Variants in STPG2 observed in about 807,000 individuals in gnomAD.
The protein encoded by STPG2 is sperm tail PG-rich repeat containing 2.
In STPG2, 56 loss-of-function variants were observed where a neutral mutation model predicts 54.2. The observed-to-expected ratio is 1.03, with a 90% CI of 0.83 to 1.29. STPG2 has a LOEUF of 1.29. Among genes scored for constraint, STPG2 ranks in the 50% most tolerant of loss-of-function variants. The pLI, the probability that STPG2 is intolerant of heterozygous loss-of-function variation, is 0.00. For synonymous variants in STPG2, 200 were observed against 181.8 expected (o/e 1.10, Z -0.81); for missense variants, 596 against 544.9 (o/e 1.09, Z -0.93).
chr4:97,741,873 C>A (rs1283273520), intron 9 of STPG2, among the ~76,000 whole-genome samples: 1 of 152,054 alleles, frequency 6.6e-6, no homozygotes, highest in African/African-American at 2.4e-5. Context: ...GGTATATACC[C>A]AAAGGACTAT....
At chr4:97,505,464 A>G (rs571141105) in intron 4 of STPG2, among the ~76,000 whole-genome samples, 5 of 152,098 alleles carry the variant, frequency 3.3e-5, no homozygotes, top group African/African-American at 1.2e-4. Context: ...AAAAGAGAAG[A>G]AAAAGGAAAG....
chr4:98,138,239 T>C (rs187804803), intron 1 of STPG2, among the ~76,000 whole-genome samples: 2 of 152,088 alleles, frequency 1.3e-5, no homozygotes, highest in African/African-American at 4.8e-5. Context: ...GTATAAAATA[T>C]AGAAGAGTGT....
chr4:97,488,774 C>T (rs905299068), intron 4 of STPG2, among the ~76,000 whole-genome samples: 2 of 151,716 alleles, frequency 1.3e-5, no homozygotes, highest in Non-Finnish European at 1.5e-5. Flanking sequence ...TTTCCACTCA[C>T]ATTGCAATAA....
chr4:97,911,131 A>G (rs1448995815), intron 8 of STPG2, among the ~76,000 whole-genome samples: 1 of 152,220 alleles, frequency 6.6e-6, no homozygotes, highest in African/African-American at 2.4e-5. Context: ...GGCTTTTCCC[A>G]CAGATCTTTG....
chr4:97,582,857 T>C (rs1732895769), intron 10 of STPG2, among the ~76,000 whole-genome samples: 1 of 152,026 alleles, frequency 6.6e-6, no homozygotes, highest in Admixed American at 6.6e-5. Flanking sequence ...GTCAGTGCTA[T>C]GTGAAATGCT....
chr4:98,018,722 A>C (rs1236141043), intron 5 of STPG2, among the ~76,000 whole-genome samples: 1 of 151,680 alleles, frequency 6.6e-6, no homozygotes, highest in African/African-American at 2.4e-5. Flanking sequence ...AAATGGTGTG[A>C]GATGGTATCT....
At chr4:97,734,123 T>C (rs1724894999) in intron 9 of STPG2, among the ~76,000 whole-genome samples, 1 of 152,224 alleles carries the variant, frequency 6.6e-6, no homozygotes. Context: ...CACCATTGAG[T>C]ATAATGTTAC....
At chr4:98,094,988 C>T (rs1738806279) in intron 5 of STPG2, among the ~76,000 whole-genome samples, 1 of 151,520 alleles carries the variant, frequency 6.6e-6, no homozygotes, top group African/African-American at 2.4e-5. Flanking sequence ...ACTACAAGAC[C>T]TAGGTAGTAC....
At chr4:97,857,964 C>G (rs974510767) in intron 8 of STPG2, among the ~76,000 whole-genome samples, 1 of 151,652 alleles carries the variant, frequency 6.6e-6, no homozygotes, top group Non-Finnish European at 1.5e-5. Context: ...AATTAGTGAG[C>G]TTGAAGAAAA....
intron 4 of STPG2, among the ~76,000 whole-genome samples, chr4:97,443,104 A>G (rs1242634349): frequency 1.3e-5 from 2 of 152,186 alleles, no homozygotes; most frequent in African/African-American, 4.8e-5. Context: ...ATGGAAAACT[A>G]TACAGACAAC....
At chr4:98,114,957 T>A (rs951117333) in intron 3 of STPG2, among the ~76,000 whole-genome samples, 2 of 55,968 alleles carry the variant, frequency 3.6e-5, no homozygotes, top group African/African-American at 1.6e-4. Context: ...TAAATTACAG[T>A]TTCTTTTATG....
chr4:97,675,820 CAATT>C (rs1055696873), intron 10 of STPG2, among the ~76,000 whole-genome samples: 10 of 150,624 alleles, frequency 6.6e-5, no homozygotes, highest in African/African-American at 2.4e-4. Flanking sequence ...AGGGTCCCAA[CAATT>C]AAATGTACAC....
intron 9 of STPG2, among the ~76,000 whole-genome samples, chr4:97,741,909 G>A (rs1725251086): frequency 6.6e-6 from 1 of 152,108 alleles, no homozygotes. Context: ...AAAGACACAT[G>A]CACACGTATG....
intron 5 of STPG2, among the ~76,000 whole-genome samples, chr4:98,081,138 T>G (rs1738330344): frequency 6.6e-6 from 1 of 152,174 alleles, no homozygotes; most frequent in East Asian, 1.9e-4. Context: ...AGGTATTCTG[T>G]GAGGGTCAAG....
chr4:98,017,757 C>T (rs1736012820), intron 5 of STPG2, among the ~76,000 whole-genome samples: 1 of 152,116 alleles, frequency 6.6e-6, no homozygotes, highest in African/African-American at 2.4e-5. Context: ...TGAGGGAGGA[C>T]CTGGTGGGAG....
intron 8 of STPG2, among the ~76,000 whole-genome samples, chr4:97,933,173 G>T (rs1732615341): frequency 6.6e-6 from 1 of 151,958 alleles, no homozygotes; most frequent in Non-Finnish European, 1.5e-5. Context: ...CTTCTTTTGA[G>T]AATTCTCGGT....
intron 5 of STPG2, among the ~76,000 whole-genome samples, chr4:98,066,088 A>T (rs1175894977): frequency 5.1e-5 from 7 of 135,942 alleles, no homozygotes. Context: ...TTTGTTTCAT[A>T]TATCAAAAAT....
intron 6 of STPG2, among the ~76,000 whole-genome samples, chr4:97,976,000 T>C (rs1443578480): frequency 1.3e-5 from 2 of 152,190 alleles, no homozygotes; most frequent in Non-Finnish European, 2.9e-5. Flanking sequence ...AGGTTAGACG[T>C]TACTTTGGTT....
intron 8 of STPG2, among the ~76,000 whole-genome samples, chr4:97,849,397 A>G (rs1392271733): frequency 6.6e-6 from 1 of 152,004 alleles, no homozygotes; most frequent in Non-Finnish European, 1.5e-5. Context: ...AAGCAATGGC[A>G]ACAAAAGCCA....
Sources: gnomAD v4.1 joint callset for allele counts (sites outside exome capture counted in the v4.1 genomes callset) on GRCh38, gnomAD v4.1.1 for gene constraint, MANE v1.5 for transcripts, NCBI Gene and HGNC (gene_info 2026-07-23, HGNC 2026-07-21) for gene names.